Variants in FAM217B observed in about 807,000 individuals in gnomAD.
FAM217B encodes family with sequence similarity 217 member B, also known as protein FAM217B.
For missense variants in FAM217B, 463 were observed against 456.9 expected (o/e 1.01, Z -0.12); for synonymous variants, 163 against 173.0 (o/e 0.94, Z 0.45).
upstream of FAM217B, chr20:59,940,098 G>C (rs2060891411): frequency 2.2e-6 from 1 of 461,224 alleles, no homozygotes. Flanking sequence ...CTTGCTCCTC[G>C]AGTCCTTGTC....
chr20:59,939,927 G>A (rs1235703440), upstream of FAM217B: 2 of 1,262,336 alleles, frequency 1.6e-6, no homozygotes, highest in Non-Finnish European at 2.0e-6. Context: ...CGGGCCTCTG[G>A]ACATGGCCCC....
chr20:59,936,082 T>C (rs1444472333), upstream of FAM217B, among the ~76,000 whole-genome samples: 1 of 152,192 alleles, frequency 6.6e-6, no homozygotes, highest in Non-Finnish European at 1.5e-5. Context: ...CAGGTATATA[T>C]AGTACAGTCT....
At chr20:59,936,176 T>C (rs1234768944), upstream of FAM217B, among the ~76,000 whole-genome samples, 1 of 152,178 alleles carries the variant, frequency 6.6e-6, no homozygotes, top group Non-Finnish European at 1.5e-5. Context: ...TATTTGTGTA[T>C]CTAAACACAG....
chr20:59,947,905 A>C lies in FAM217B; in HGVS notation c.*2810A>C, dbSNP rs2060946326. 1 of 167,066 alleles carries C rather than the reference A, an allele frequency of 6.0e-6. No individual in the cohort carries two copies. Among genetic ancestry groups the C allele is most frequent in the Non-Finnish European group, 1.5e-5 (1 of 68,108 alleles). The allele number at this position is 167,066 out of a possible 1,614,324, so 10.3% of individuals were successfully genotyped here. A position where few individuals can be genotyped will look rare whatever the true frequency, so the allele number is the denominator to read the frequency against. Reference sequence around the variant, plus strand: ...GAATCATGAACTCATTCAATTCATCAAGTCAAAAGCACTGAGTGTTTTGCT... The same window carrying C: ...GAATCATGAACTCATTCAATTCATCCAGTCAAAAGCACTGAGTGTTTTGCT... On this transcript the variant is annotated 3_prime_UTR_variant, in exon 4 of 4. Transcript: ENST00000360816.
chr20:59,940,083 G>GC, upstream of FAM217B: 1 of 524,950 alleles, frequency 1.9e-6, no homozygotes, highest in Non-Finnish European at 3.0e-6. Flanking sequence ...CCCTTGGTTC[G>GC]CCACCTTGCT....
At chr20:59,937,430 A>C (rs2060868792), upstream of FAM217B, 1 of 152,576 alleles carries the variant, frequency 6.6e-6, no homozygotes, top group Non-Finnish European at 1.5e-5. Context: ...CTTATATTAA[A>C]AGATACCGAA....
In FAM217B at chr20:59,947,762, T is replaced by A. The variant is rs1035472628; in HGVS notation, c.*2667T>A. ...TTTAAAGTTAGGTCTATTACAGAATTAACATAAGCACAATTTTAATTTTAT... is the reference window on the plus strand; with the variant it reads ...TTTAAAGTTAGGTCTATTACAGAATAAACATAAGCACAATTTTAATTTTAT... On this transcript the variant is annotated 3_prime_UTR_variant, in exon 4 of 4. Transcript: ENST00000360816. The A allele has an allele frequency of 6.0e-6, 1 of 167,186 alleles. No individual in the cohort carries two copies. Among genetic ancestry groups the A allele is most frequent in the Middle Eastern group, 3.4e-3 (1 of 296 alleles). 10.4% of individuals were successfully genotyped at this position (167,186 alleles called of 1,614,324 possible).
chr20:59,941,329 G>C (rs1478845056), intron 1 of FAM217B, among the ~76,000 whole-genome samples: 1 of 152,208 alleles, frequency 6.6e-6, no homozygotes, highest in East Asian at 1.9e-4. Context: ...TCTAAAATGA[G>C]TCAAGGCTGT....
chr20:59,943,897 T>C (rs201850601), intron 3 of FAM217B, 43 bp from the exon 4 acceptor site: 3 of 1,480,786 alleles, frequency 2.0e-6, no homozygotes, highest in Non-Finnish European at 9.1e-7. Context: ...CCAGACCATT[T>C]TTTGTCATAT....
In FAM217B at chr20:59,948,315, A is replaced by G. The variant is rs2060949676; in HGVS notation, c.*3220A>G. ...TGCCATATACCTCCTAGCTAAAAGGAAAATGGTTTGTAGTTGTTCTTGGGC... is the reference window on the plus strand; with the variant it reads ...TGCCATATACCTCCTAGCTAAAAGGGAAATGGTTTGTAGTTGTTCTTGGGC... On this transcript the variant is annotated 3_prime_UTR_variant, in exon 4 of 4. Coordinates refer to ENST00000360816, the MANE Select transcript of FAM217B (RefSeq NM_022106.3). The G allele has an allele frequency of 6.0e-6, 1 of 167,072 alleles. No homozygotes were observed. The allele number at this position is 167,072 out of a possible 1,614,324, so 10.3% of individuals were successfully genotyped here. A position where few individuals can be genotyped will look rare whatever the true frequency, so the allele number is the denominator to read the frequency against.
chr20:59,935,867 TAGAG>T (rs914382993), upstream of FAM217B, among the ~76,000 whole-genome samples: 6 of 152,202 alleles, frequency 3.9e-5, no homozygotes, highest in Admixed American at 6.5e-5. Context: ...ATATAACAGG[TAGAG>T]AGAGCATTGA....
At position 59,944,370 on chromosome 20, in the gene FAM217B, C is replaced by A. The variant is rs374209175; in HGVS notation, c.427C>A (p.Pro143Thr). 8.1e-5 allele frequency: 130 copies of A among 1,613,984 alleles called. No homozygotes were observed. The highest frequency in any genetic ancestry group is 9.7e-5 in the Non-Finnish European group (115 of 1,180,028). The change falls in exon 4 of 4, where the codon CCT becomes ACT. Residue 143 changes from proline to threonine, a missense_variant. Physicochemically the swap from Pro to Thr is conservative, Grantham distance 38. Coordinates refer to ENST00000360816, the MANE Select transcript of FAM217B (RefSeq NM_022106.3). Reference sequence around the variant, plus strand: ...CCATACAAAACCTGAATACTATTATCCTAATTTCCTTCCATCCCCTTTCAG... The same window carrying A: ...CCATACAAAACCTGAATACTATTATACTAATTTCCTTCCATCCCCTTTCAG... Reference protein sequence around the residue: ...QGHTKPEYYYPNFLPSPFSSW... With the variant: ...QGHTKPEYYYTNFLPSPFSSW...
intron 2 of FAM217B, 45 bp downstream of exon 2, chr20:59,942,354 G>A (rs1031039843): frequency 6.6e-6 from 1 of 152,204 alleles, no homozygotes; most frequent in Admixed American, 6.5e-5. Context: ...TTTATTCTGG[G>A]ATTTTTGTTT....
upstream of FAM217B, chr20:59,938,988 G>A (rs1237242027): frequency 3.4e-6 from 5 of 1,453,894 alleles, no homozygotes; most frequent in Admixed American, 7.3e-5. Flanking sequence ...GACAGGAGGC[G>A]CAGCTTAGGT....
intron 1 of FAM217B, chr20:59,933,900 C>G (rs943838419): frequency 7.2e-5 from 11 of 152,446 alleles, no homozygotes; most frequent in African/African-American, 2.4e-4. Context: ...TCCTCTCGCG[C>G]TATGCTCTCC....
At position 59,944,338 on chromosome 20, in the gene FAM217B, G is replaced by T. The variant is rs749704274; in HGVS notation, c.395G>T (p.Gly132Val). 1 of 1,613,896 alleles carries T rather than the reference G, an allele frequency of 6.2e-7. No homozygotes were observed. Among genetic ancestry groups the T allele is most frequent in the Non-Finnish European group, 8.5e-7 (1 of 1,179,988 alleles). ...CCAGTTTACTTTGATCTTCACCCTG[G>T]TCAGGGCCATACAAAACCTGAATAC... is the stretch of plus-strand genomic sequence containing the variant. ...IDPVYFDLHP[G>V]QGHTKPEYYY... The change falls in exon 4 of 4, where the codon GGT (glycine) becomes GTT (valine). Residue 132 changes from glycine (G) to valine (V), a missense_variant. Transcript: ENST00000360816.
At chr20:59,934,366 G>C (rs1341762596) in intron 1 of FAM217B, among the ~76,000 whole-genome samples, 1 of 152,242 alleles carries the variant, frequency 6.6e-6, no homozygotes, top group African/African-American at 2.4e-5. Flanking sequence ...GCCCTTCTGA[G>C]ACAGGCACAG....
At chr20:59,938,948 C>G (rs2060878254), upstream of FAM217B, 10 of 1,335,776 alleles carry the variant, frequency 7.5e-6, no homozygotes, top group South Asian at 5.5e-5. Context: ...GAAGAACAAC[C>G]AGATAGATGT....
chr20:59,939,637 G>A, upstream of FAM217B: 3 of 1,570,888 alleles, frequency 1.9e-6, no homozygotes, highest in Non-Finnish European at 1.7e-6. Flanking sequence ...CGGAGCTTCT[G>A]GCTGCAGCCC....
Sources: gnomAD v4.1 joint callset for allele counts (sites outside exome capture counted in the v4.1 genomes callset) on GRCh38, gnomAD v4.1.1 for gene constraint, MANE v1.5 for transcripts, NCBI Gene and HGNC (gene_info 2026-07-23, HGNC 2026-07-21) for gene names.